Variants in FAM110B observed in about 807,000 individuals in gnomAD.
The protein encoded by FAM110B is protein FAM110B.
Under a neutral mutation model 20.4 loss-of-function variants are expected in FAM110B, and 6 were observed. That is an observed-to-expected ratio of 0.29 (90% CI 0.16 to 0.58). The LOEUF is 0.58. Among genes scored for constraint, FAM110B ranks in the 20% least tolerant of loss-of-function variants. The probability of loss-of-function intolerance (pLI) is 0.90; values close to 1 mark genes in which losing one functional copy is unlikely to be tolerated. For synonymous variants in FAM110B, 226 were observed against 214.1 expected (o/e 1.06, Z -0.49); for missense variants, 434 against 498.2 (o/e 0.87, Z 1.23).
At chr8:58,137,604 G>A (rs1412657429) in intron 3 of FAM110B, among the ~76,000 whole-genome samples, 1 of 152,062 alleles carries the variant, frequency 6.6e-6, no homozygotes, top group African/African-American at 2.4e-5. Flanking sequence ...TCTGGGCTGA[G>A]CTCCTGACCA....
intron 1 of FAM110B, among the ~76,000 whole-genome samples, chr8:58,031,176 C>T (rs1003242197): frequency 6.6e-6 from 1 of 152,168 alleles, no homozygotes; most frequent in African/African-American, 2.4e-5. Flanking sequence ...TCTCCCTTTG[C>T]AAATATTAAC....
intron 2 of FAM110B, among the ~76,000 whole-genome samples, chr8:58,051,342 T>G (rs1055965536): frequency 6.6e-6 from 1 of 152,110 alleles, no homozygotes; most frequent in African/African-American, 2.4e-5. Flanking sequence ...GCTGTGTGGA[T>G]GGTAAGAGGG....
chr8:58,079,147 A>G (rs145692713), intron 3 of FAM110B, among the ~76,000 whole-genome samples: 86 of 152,272 alleles, frequency 5.6e-4, no homozygotes, highest in Non-Finnish European at 9.0e-4. Flanking sequence ...CCAGCAGTAC[A>G]GTCAGGTGTG....
At chr8:58,004,226 G>T (rs990171520) in intron 1 of FAM110B, among the ~76,000 whole-genome samples, 1 of 152,168 alleles carries the variant, frequency 6.6e-6, no homozygotes, top group Admixed American at 6.5e-5. Context: ...CTCACCTCTT[G>T]CTGTGCAGCC....
intron 3 of FAM110B, chr8:58,098,989 C>G (rs1806709401): frequency 6.6e-6 from 1 of 152,286 alleles, no homozygotes; most frequent in Non-Finnish European, 1.5e-5. Context: ...CTTGCCAGCC[C>G]TTTGACTTGC....
At chr8:58,013,378 G>A (rs1320307499) in intron 1 of FAM110B, among the ~76,000 whole-genome samples, 1 of 152,196 alleles carries the variant, frequency 6.6e-6, no homozygotes, top group African/African-American at 2.4e-5. Flanking sequence ...AGTGGGTGTT[G>A]TCCTGTCTCT....
At chr8:58,055,860 A>G (rs1432734834) in intron 2 of FAM110B, among the ~76,000 whole-genome samples, 1 of 152,214 alleles carries the variant, frequency 6.6e-6, no homozygotes, top group Non-Finnish European at 1.5e-5. Context: ...AAAGTTAACA[A>G]TTTGCGGAAA....
intron 2 of FAM110B, among the ~76,000 whole-genome samples, chr8:58,037,575 G>A (rs1805103573): frequency 6.6e-6 from 1 of 151,950 alleles, no homozygotes; most frequent in Non-Finnish European, 1.5e-5. Flanking sequence ...GGAGTTGGAG[G>A]CTGCAGTGAG....
chr8:58,098,804 TC>T (rs1490335036), intron 3 of FAM110B: 1 of 152,282 alleles, frequency 6.6e-6, no homozygotes, highest in Non-Finnish European at 1.5e-5. Context: ...TCCTTGTACT[TC>T]CCGGATGAGG....
At chr8:58,101,734 A>G (rs995102757) in intron 3 of FAM110B, among the ~76,000 whole-genome samples, 1 of 152,094 alleles carries the variant, frequency 6.6e-6, no homozygotes, top group Non-Finnish European at 1.5e-5. Flanking sequence ...TAATTTAGTC[A>G]TGGTGGATTG....
chr8:58,055,397 T>G (rs1445545591), intron 2 of FAM110B, among the ~76,000 whole-genome samples: 2 of 152,214 alleles, frequency 1.3e-5, no homozygotes, highest in African/African-American at 4.8e-5. Context: ...GATATGTCTT[T>G]TTTTGTCTTT....
Position 58,006,924 on chromosome 8 carries a change from T to TA in FAM110B, c.-512+12118_-512+12119insA, listed in dbSNP as rs6150600. On this transcript the variant is annotated intron_variant, in intron 1 of 3. Transcript: ENST00000519262. ...TGGTATATATATATATATATATATA[T>TA]TTTTCCAAAACCAGAGTTTGCATTT... Among the ~76,000 whole-genome samples the TA allele has an allele frequency of 3.4e-3, 374 of 110,968 alleles. 8 individuals carry two copies. The highest frequency in any genetic ancestry group is 0.013 in the African/African-American group (349 of 26,554). 72.8% of individuals were successfully genotyped at this position (110,968 alleles called of 152,430 possible). A position where few individuals can be genotyped will look rare whatever the true frequency, so the allele number is the denominator to read the frequency against.
At chr8:58,080,602 C>G (rs1034347127) in intron 3 of FAM110B, among the ~76,000 whole-genome samples, 24 of 152,176 alleles carry the variant, frequency 1.6e-4, no homozygotes, top group African/African-American at 5.8e-4. Flanking sequence ...TGATGCTTGC[C>G]AGGACCCTGT....
At chr8:58,115,371 C>A (rs1052183864) in intron 3 of FAM110B, among the ~76,000 whole-genome samples, 2 of 150,986 alleles carry the variant, frequency 1.3e-5, no homozygotes, top group African/African-American at 4.9e-5. Flanking sequence ...AAAAGCGGAG[C>A]CTGAATCATT....
At chr8:58,040,235 ATAAT>A (rs1805183728) in intron 2 of FAM110B, among the ~76,000 whole-genome samples, 1 of 152,186 alleles carries the variant, frequency 6.6e-6, no homozygotes, top group Non-Finnish European at 1.5e-5. Flanking sequence ...TTGGGCACAA[ATAAT>A]TCTGTCCCCA....
chr8:58,055,839 G>C (rs1344298570), intron 2 of FAM110B, among the ~76,000 whole-genome samples: 1 of 152,166 alleles, frequency 6.6e-6, no homozygotes, highest in Non-Finnish European at 1.5e-5. Context: ...CAAATCTCAT[G>C]TTTCATGATA....
chr8:58,113,312 A>G (rs1807111120), intron 3 of FAM110B: 2 of 210,828 alleles, frequency 9.5e-6, no homozygotes, highest in Non-Finnish European at 2.0e-5. Context: ...GCCTAGAAGT[A>G]ACAGCTGGAG....
chr8:58,091,018 G>A (rs934466031), intron 3 of FAM110B, among the ~76,000 whole-genome samples: 3 of 152,116 alleles, frequency 2.0e-5, no homozygotes, highest in Non-Finnish European at 2.9e-5. Flanking sequence ...CAGCCCCTTG[G>A]TCTAGATGAG....
chr8:58,108,232 G>A lies in FAM110B; in HGVS notation c.-325+32609G>A, dbSNP rs151163948. The stretch of plus-strand genomic sequence containing the variant: ...ATTGAGCAACAAGATGCCAGTGATG[G>A]TCAAGGAAAAAGTCAAAAATGTTGA... On this transcript the variant is annotated intron_variant, in intron 3 of 3. Transcript: ENST00000519262. Among the ~76,000 whole-genome samples, 476 of 152,302 alleles carry A rather than the reference G, an allele frequency of 3.1e-3. 3 individuals carry two copies. The highest frequency in any genetic ancestry group is 4.6e-3 in the Non-Finnish European group (314 of 68,034).
Sources: gnomAD v4.1 joint callset for allele counts (sites outside exome capture counted in the v4.1 genomes callset) on GRCh38, gnomAD v4.1.1 for gene constraint, MANE v1.5 for transcripts, NCBI Gene and HGNC (gene_info 2026-07-23, HGNC 2026-07-21) for gene names.